Variants in SLC9A8 observed in about 807,000 individuals in gnomAD.
The protein encoded by SLC9A8 is solute carrier family 9 member A8, also known as sodium/hydrogen exchanger 8.
SLC9A8 carries 48 observed loss-of-function variants against 66.6 expected under a neutral mutation model. The observed-to-expected ratio is 0.72, with a 90% CI of 0.57 to 0.92. SLC9A8 has a LOEUF of 0.92. SLC9A8 is among the 40% of genes least tolerant of loss of function. SLC9A8 has a pLI of 0.00. For missense variants in SLC9A8, 599 were observed against 747.3 expected, an observed-to-expected ratio of 0.80 and a Z score of 2.31; for synonymous variants, 274 against 282.6, an observed-to-expected ratio of 0.97 and a Z score of 0.31.
chr20:49,832,814 G>A (rs1047486818), intron 3 of SLC9A8, among the ~76,000 whole-genome samples: 4 of 152,130 alleles, frequency 2.6e-5, no homozygotes, highest in Non-Finnish European at 5.9e-5. Flanking sequence ...TAATGTAACC[G>A]GTTAGTCAGT....
At chr20:49,819,406 C>A (rs757190975) in intron 2 of SLC9A8, among the ~76,000 whole-genome samples, 1 of 152,136 alleles carries the variant, frequency 6.6e-6, no homozygotes, top group Non-Finnish European at 1.5e-5. Context: ...CATGCAGAAA[C>A]ACAAATAATA....
At chr20:49,865,887 T>C (rs780412569) in intron 10 of SLC9A8, among the ~76,000 whole-genome samples, 1 of 152,244 alleles carries the variant, frequency 6.6e-6, no homozygotes, top group African/African-American at 2.4e-5. Flanking sequence ...GGCCTTGTTC[T>C]GGAAAGGAGG....
chr20:49,858,098 C>T (rs886789119), intron 8 of SLC9A8, among the ~76,000 whole-genome samples: 1 of 151,866 alleles, frequency 6.6e-6, no homozygotes, highest in African/African-American at 2.4e-5. Flanking sequence ...AGGCTTATAC[C>T]CCAAATATTG....
At chr20:49,826,877 A>T (rs1210995115) in intron 3 of SLC9A8, among the ~76,000 whole-genome samples, 2 of 151,970 alleles carry the variant, frequency 1.3e-5, no homozygotes, top group African/African-American at 4.8e-5. Context: ...GCCTTTGTAT[A>T]GTTTAATTTG....
intron 13 of SLC9A8, among the ~76,000 whole-genome samples, chr20:49,883,516 A>G (rs1012405666): frequency 6.6e-6 from 1 of 152,134 alleles, no homozygotes; most frequent in Non-Finnish European, 1.5e-5. Flanking sequence ...ACACACAGGG[A>G]GGGCTCAGCC....
intron 10 of SLC9A8, among the ~76,000 whole-genome samples, chr20:49,874,212 C>T (rs1223509231): frequency 1.6e-4 from 1 of 6,320 alleles, no homozygotes; most frequent in African/African-American, 5.8e-4. Flanking sequence ...CAAGATCGCA[C>T]GCACTATTGC....
intron 5 of SLC9A8, among the ~76,000 whole-genome samples, chr20:49,848,133 A>T (rs930202194): frequency 6.6e-6 from 1 of 152,086 alleles, no homozygotes; most frequent in Non-Finnish European, 1.5e-5. Flanking sequence ...CATGTTGGTC[A>T]GGTTGGTCTC....
intron 7 of SLC9A8, among the ~76,000 whole-genome samples, chr20:49,854,237 C>T (rs754432963): frequency 4.6e-5 from 7 of 152,184 alleles, no homozygotes; most frequent in Non-Finnish European, 8.8e-5. Flanking sequence ...TGTCCAGGCT[C>T]ATGTGGCACA....
chr20:49,886,971 G>T lies in SLC9A8; in HGVS notation c.1638+73G>T. The T allele has an allele frequency of 2.0e-6, 3 of 1,516,368 alleles. No individual in the cohort carries two copies. Among genetic ancestry groups the T allele is most frequent in the African/African-American group, 1.4e-5 (1 of 72,682 alleles). The allele number at this position is 1,516,368 out of a possible 1,614,324, so 93.9% of individuals were successfully genotyped here. ...CCTTCAGGACCTGCGGTGGCCCAGG[G>T]TGGGGTGGAGGAAGAGTGGGGAGGC... is the stretch of plus-strand genomic sequence containing the variant. On this transcript the variant is annotated intron_variant, in intron 15 of 15. Coordinates refer to ENST00000361573, the MANE Select transcript of SLC9A8 (RefSeq NM_015266.3). This position sits in a 1 kb window ranked among gnomAD's most constrained non-coding sequence, Gnocchi z 4.8.
intron 3 of SLC9A8, among the ~76,000 whole-genome samples, chr20:49,833,566 C>T (rs117836620): frequency 0.013 from 2,001 of 152,236 alleles, 119 homozygotes; most frequent in Admixed American, 0.098. Flanking sequence ...TGGGAGTGAG[C>T]GAGCGAGCAT....
In SLC9A8 at chr20:49,884,280, C is replaced by CACGAG. The variant is rs1568884068; in HGVS notation, c.1491+216_1491+217insGAGAC. ...ACACGACACACACACACACGACACA[C>CACGAG]ACACACACGACACACACACACACAC... is the stretch of plus-strand genomic sequence containing the variant. On this transcript the variant is annotated intron_variant, in intron 14 of 15. Transcript: ENST00000361573. 2.4e-4 allele frequency: 57 copies of CACGAG among 233,420 alleles called. 2 individuals are homozygous for CACGAG. The highest frequency in any genetic ancestry group is 3.4e-4 in the Non-Finnish European group (44 of 129,224). The allele number at this position is 233,420 out of a possible 1,614,324, so 14.5% of individuals were successfully genotyped here.
intron 7 of SLC9A8, among the ~76,000 whole-genome samples, chr20:49,851,482 C>G (rs1413101565): frequency 2.6e-5 from 4 of 152,348 alleles, no homozygotes; most frequent in Non-Finnish European, 5.9e-5. Flanking sequence ...GGGTTCCCCC[C>G]TCTGAGAGCA....
Position 49,812,863 on chromosome 20 carries a change from C to CA in SLC9A8, c.-56dup, listed in dbSNP as rs1323895886. The CA allele has an allele frequency of 4.7e-6, 7 of 1,492,114 alleles. No homozygotes were observed. The highest frequency in any genetic ancestry group is 2.4e-5 in the South Asian group (2 of 81,868). 92.4% of individuals were successfully genotyped at this position (1,492,114 alleles called of 1,614,324 possible). A position where few individuals can be genotyped will look rare whatever the true frequency, so the allele number is the denominator to read the frequency against. ...CCGCGCCTCCAGCGGAAGCCGGAAGCAAAAGCGGGTCCTGCTAGCCCCGCG... is the reference window on the plus strand; with the variant it reads ...CCGCGCCTCCAGCGGAAGCCGGAAGCAAAAAGCGGGTCCTGCTAGCCCCGCG... On this transcript the variant is annotated 5_prime_UTR_variant, in exon 1 of 16. Transcript: ENST00000361573.
chr20:49,868,650 T>G (rs2089072530), intron 10 of SLC9A8, among the ~76,000 whole-genome samples: 1 of 152,232 alleles, frequency 6.6e-6, no homozygotes, highest in African/African-American at 2.4e-5. Context: ...ACAGACAGAC[T>G]TGGATTTGAA....
chr20:49,834,803 T>C (rs999005217), intron 3 of SLC9A8, among the ~76,000 whole-genome samples: 1 of 152,176 alleles, frequency 6.6e-6, no homozygotes, highest in Non-Finnish European at 1.5e-5. Flanking sequence ...GAGGTAATCA[T>C]GGCATTAAGG....
intron 3 of SLC9A8, among the ~76,000 whole-genome samples, chr20:49,834,916 C>T (rs1489503152): frequency 6.6e-6 from 1 of 152,166 alleles, no homozygotes; most frequent in African/African-American, 2.4e-5. Flanking sequence ...AGAGGTTTAA[C>T]TTCCCTAGTA....
intron 4 of SLC9A8, among the ~76,000 whole-genome samples, chr20:49,841,891 G>A (rs1368728757): frequency 4.6e-5 from 7 of 151,950 alleles, no homozygotes; most frequent in Non-Finnish European, 8.8e-5. Flanking sequence ...CACTGCGCCT[G>A]GGTGTGGCTA....
intron 3 of SLC9A8, among the ~76,000 whole-genome samples, chr20:49,834,026 A>G (rs1363617913): frequency 6.6e-6 from 1 of 151,608 alleles, no homozygotes; most frequent in Non-Finnish European, 1.5e-5. Flanking sequence ...AGACAGGCGG[A>G]TCACCTGAGG....
chr20:49,857,596 T>C (rs1347323178), intron 8 of SLC9A8, among the ~76,000 whole-genome samples: 1 of 152,162 alleles, frequency 6.6e-6, no homozygotes, highest in African/African-American at 2.4e-5. Context: ...CGCACGCCTG[T>C]AATCCCAGCT....
Sources: allele counts gnomAD v4.1 joint callset (sites outside exome capture counted in the v4.1 genomes callset), GRCh38; gene constraint gnomAD v4.1.1; non-coding constraint Gnocchi (gnomAD v3.1); transcripts MANE v1.5; gene names NCBI Gene and HGNC (gene_info 2026-07-23, HGNC 2026-07-21).